Variants in FOXN3 observed in about 807,000 individuals in gnomAD.
FOXN3 encodes the protein forkhead box protein N3.
FOXN3 carries 7 observed loss-of-function variants against 38.4 expected under a neutral mutation model. That is an observed-to-expected ratio of 0.18 (90% CI 0.10 to 0.34). FOXN3 has a LOEUF of 0.34. Among genes scored for constraint, FOXN3 ranks in the 10% least tolerant of loss-of-function variants. The pLI, the probability that FOXN3 is intolerant of heterozygous loss-of-function variation, is 1.00. For synonymous variants in FOXN3, 230 were observed against 242.2 expected (o/e 0.95, Z 0.47); for missense variants, 456 against 613.4 (o/e 0.74, Z 2.71).
At chr14:89,473,304 G>A (rs994727246) in intron 1 of FOXN3, among the ~76,000 whole-genome samples, 10 of 151,734 alleles carry the variant, frequency 6.6e-5, no homozygotes, top group Admixed American at 5.9e-4. Flanking sequence ...AATTACAGGC[G>A]TGAGCCACCG....
chr14:89,256,883 G>T (rs960628736), intron 4 of FOXN3, among the ~76,000 whole-genome samples: 3 of 152,204 alleles, frequency 2.0e-5, no homozygotes, highest in Non-Finnish European at 2.9e-5. Flanking sequence ...CTGCCAACAG[G>T]AGCCTGAGCA....
rs542397192 is a variant in FOXN3 at position 89,162,949 on chromosome 14, C to T, written c.872G>A (p.Arg291Gln). The T allele has an allele frequency of 7.1e-5, 111 of 1,565,374 alleles. No homozygotes were observed. The highest frequency in any genetic ancestry group is 8.8e-5 in the Non-Finnish European group (101 of 1,152,054). ...AAMRNGITSC[R>Q]MRTESEPSCG... Reference sequence around the variant, plus strand: ...AGATGGCTCACTCTCAGTCCGCATCCGGCAGCTGGTGATGCCATTCCTGCA... The same window carrying T: ...AGATGGCTCACTCTCAGTCCGCATCTGGCAGCTGGTGATGCCATTCCTGCA... Residue 291 changes from arginine to glutamine, a missense_variant, in exon 6 of 6, where the codon CGG becomes CAG. Coordinates refer to ENST00000557258, the MANE Select transcript of FOXN3 (RefSeq NM_005197.4). The surrounding 1 kb of genome is among the most constrained non-coding windows in gnomAD (Gnocchi z 7.2).
chr14:89,338,824 T>C (rs886238018), intron 3 of FOXN3, among the ~76,000 whole-genome samples: 1 of 151,910 alleles, frequency 6.6e-6, no homozygotes, highest in Non-Finnish European at 1.5e-5. Flanking sequence ...AAAAAAATAT[T>C]TGGTATGCAG....
At chr14:89,266,231 G>T (rs766055269) in intron 4 of FOXN3, among the ~76,000 whole-genome samples, 13 of 152,180 alleles carry the variant, frequency 8.5e-5, no homozygotes, top group Non-Finnish European at 1.8e-4. Flanking sequence ...GAGCAAAGAG[G>T]TGGCACGTTT....
chr14:89,366,185 G>A (rs964411563), intron 2 of FOXN3, among the ~76,000 whole-genome samples: 1 of 151,846 alleles, frequency 6.6e-6, no homozygotes. Flanking sequence ...CCCGGGAGGC[G>A]GAGTTTGCAG....
At chr14:89,545,666 C>T (rs1228727775) in intron 1 of FOXN3, among the ~76,000 whole-genome samples, 1 of 152,154 alleles carries the variant, frequency 6.6e-6, no homozygotes, top group Non-Finnish European at 1.5e-5. Flanking sequence ...ATTATTATTG[C>T]TCCCTAACAA....
intron 4 of FOXN3, among the ~76,000 whole-genome samples, chr14:89,203,262 G>A (rs772263840): frequency 2.6e-5 from 4 of 152,172 alleles, no homozygotes; most frequent in East Asian, 1.9e-4. Flanking sequence ...AGGGATGTGC[G>A]GTTTCTCACC....
intron 3 of FOXN3, among the ~76,000 whole-genome samples, chr14:89,345,779 C>G (rs933965662): frequency 6.6e-6 from 1 of 152,224 alleles, no homozygotes; most frequent in African/African-American, 2.4e-5. Context: ...GCCTCCAGGC[C>G]GGGCACAGTG....
chr14:89,452,233 G>A (rs1247034175), intron 1 of FOXN3, among the ~76,000 whole-genome samples: 2 of 152,104 alleles, frequency 1.3e-5, no homozygotes, highest in East Asian at 1.9e-4. Context: ...AGAACAAGGA[G>A]GTCCCTGAAC....
chr14:89,575,199 G>A (rs182040596), intron 1 of FOXN3, among the ~76,000 whole-genome samples: 31 of 152,218 alleles, frequency 2.0e-4, no homozygotes, highest in African/African-American at 7.2e-4. Context: ...GCCAACCCAC[G>A]AAGGGGACCC....
At chr14:89,239,441 C>A (rs1172819003) in intron 4 of FOXN3, among the ~76,000 whole-genome samples, 2 of 152,200 alleles carry the variant, frequency 1.3e-5, no homozygotes, top group African/African-American at 4.8e-5. Context: ...AAGTCACTCT[C>A]CCTTTTCAAG....
At chr14:89,351,060 T>A (rs1200813344) in intron 2 of FOXN3, 1 of 277,520 alleles carries the variant, frequency 3.6e-6, no homozygotes. Context: ...ACAATTTTCA[T>A]ACCCAAACTA....
intron 4 of FOXN3, among the ~76,000 whole-genome samples, chr14:89,196,345 G>A (rs1888099256): frequency 6.6e-6 from 1 of 152,156 alleles, no homozygotes; most frequent in Non-Finnish European, 1.5e-5. Context: ...CTCCTCCGTG[G>A]ACAGGACGGG....
intron 1 of FOXN3, among the ~76,000 whole-genome samples, chr14:89,423,353 A>G (rs1891957461): frequency 6.6e-6 from 1 of 152,216 alleles, no homozygotes; most frequent in Admixed American, 6.5e-5. Context: ...AAATAAATTA[A>G]TCTTTGTAAG....
At chr14:89,208,945 C>T (rs1596104437) in intron 4 of FOXN3, among the ~76,000 whole-genome samples, 3 of 152,242 alleles carry the variant, frequency 2.0e-5, no homozygotes, top group African/African-American at 7.2e-5. Context: ...CAGAAGATCT[C>T]CCAGTTTTTC....
intron 2 of FOXN3, among the ~76,000 whole-genome samples, chr14:89,381,591 G>C (rs546013460): frequency 6.6e-6 from 1 of 150,654 alleles, no homozygotes; most frequent in Non-Finnish European, 1.5e-5. Flanking sequence ...AAGTGTGCTG[G>C]CTCCCACCTG....
intron 1 of FOXN3, among the ~76,000 whole-genome samples, chr14:89,592,958 T>A (rs1895988644): frequency 6.7e-6 from 1 of 148,390 alleles, no homozygotes. Context: ...AAATTGAAAG[T>A]CCGCTGGAAG....
At chr14:89,262,151 C>T (rs903930804) in intron 4 of FOXN3, among the ~76,000 whole-genome samples, 2 of 152,002 alleles carry the variant, frequency 1.3e-5, no homozygotes, top group African/African-American at 4.8e-5. Flanking sequence ...GAGTTTATTC[C>T]AATTTGATGG....
At chr14:89,390,578 G>T (rs1596246887) in intron 2 of FOXN3, among the ~76,000 whole-genome samples, 1 of 151,140 alleles carries the variant, frequency 6.6e-6, no homozygotes. Flanking sequence ...TTTAGTAGTG[G>T]CTACTACAAA....
Sources: allele counts gnomAD v4.1 joint callset (sites outside exome capture counted in the v4.1 genomes callset), GRCh38; gene constraint gnomAD v4.1.1; non-coding constraint Gnocchi (gnomAD v3.1); transcripts MANE v1.5; gene names NCBI Gene and HGNC (gene_info 2026-07-23, HGNC 2026-07-21).